The following SLC39A11 variants were observed in gnomAD, a reference collection of about 807,000 sequenced individuals.
SLC39A11 encodes the protein solute carrier family 39 member 11, also known as zinc transporter ZIP11.
Under a neutral mutation model 36.1 loss-of-function variants are expected in SLC39A11, and 33 were observed. That is an observed-to-expected ratio of 0.91 (90% CI 0.69 to 1.22). The LOEUF is 1.22. Among genes scored for constraint, SLC39A11 ranks in the 50% most tolerant of loss-of-function variants. SLC39A11 has a pLI of 0.00. For synonymous variants in SLC39A11, 166 were observed against 170.3 expected, an observed-to-expected ratio of 0.97 and a Z score of 0.20; for missense variants, 432 against 430.3, an observed-to-expected ratio of 1.00 and a Z score of -0.03.
chr17:72,850,909 G>A (rs2079279383), intron 5 of SLC39A11, among the ~76,000 whole-genome samples: 1 of 152,146 alleles, frequency 6.6e-6, no homozygotes, highest in South Asian at 2.1e-4. Flanking sequence ...AACCAATTCA[G>A]ACGCCTGGCT....
chr17:72,712,015 A>G (rs2073123137), intron 7 of SLC39A11, among the ~76,000 whole-genome samples: 1 of 152,270 alleles, frequency 6.6e-6, no homozygotes, highest in Admixed American at 6.5e-5. Context: ...TGCAAAGCAC[A>G]GGGCTTAGTG....
chr17:72,841,832 C>T (rs901745542), intron 6 of SLC39A11, among the ~76,000 whole-genome samples: 2 of 151,558 alleles, frequency 1.3e-5, no homozygotes, highest in South Asian at 2.1e-4. Context: ...GAGGCTAAGG[C>T]GGGAGAATCT....
At chr17:72,705,537 G>A (rs1292555124) in intron 7 of SLC39A11, among the ~76,000 whole-genome samples, 1 of 152,222 alleles carries the variant, frequency 6.6e-6, no homozygotes, top group Admixed American at 6.5e-5. Context: ...GCTGGATTAA[G>A]GGTGAATGGG....
chr17:73,035,939 C>G (rs1160788243), intron 3 of SLC39A11, among the ~76,000 whole-genome samples: 1 of 149,240 alleles, frequency 6.7e-6, no homozygotes, highest in Non-Finnish European at 1.5e-5. Flanking sequence ...AGGCTATAGT[C>G]AGAAAGAGAT....
intron 7 of SLC39A11, among the ~76,000 whole-genome samples, chr17:72,653,186 C>A (rs1419222277): frequency 6.6e-6 from 1 of 151,256 alleles, no homozygotes; most frequent in Non-Finnish European, 1.5e-5. Context: ...CTCACTGCAG[C>A]CTTCACCTCT....
At chr17:73,037,163 G>A (rs2058947770) in intron 3 of SLC39A11, among the ~76,000 whole-genome samples, 3 of 152,110 alleles carry the variant, frequency 2.0e-5, no homozygotes, top group African/African-American at 4.8e-5. Flanking sequence ...GAGTTTTGTC[G>A]ATTATGAATA....
chr17:72,658,546 C>A (rs1399199936), intron 7 of SLC39A11, among the ~76,000 whole-genome samples: 2 of 152,184 alleles, frequency 1.3e-5, no homozygotes, highest in African/African-American at 2.4e-5. Context: ...TACTACCCCC[C>A]ACCCATCACC....
chr17:72,695,990 C>T (rs1042441470), intron 7 of SLC39A11, among the ~76,000 whole-genome samples: 1 of 152,232 alleles, frequency 6.6e-6, no homozygotes, highest in Non-Finnish European at 1.5e-5. Context: ...ATTTGTTAGG[C>T]AGCCACAGGA....
intron 3 of SLC39A11, among the ~76,000 whole-genome samples, chr17:73,078,242 A>G (rs1303828561): frequency 7.2e-6 from 1 of 139,326 alleles, no homozygotes; most frequent in Admixed American, 7.0e-5. Flanking sequence ...CGTCTCAGGA[A>G]AAAAAAAAAA....
At position 72,931,853 on chromosome 17, in the gene SLC39A11, G is replaced by A. The variant is rs145366242; in HGVS notation, c.430+15899C>T. 3.1e-3 allele frequency among the ~76,000 whole-genome samples: 469 copies of A among 152,128 alleles called. 5 individuals carry two copies. Among genetic ancestry groups the A allele is most frequent in the Admixed American group, 4.2e-3 (64 of 15,296 alleles). Reference sequence around the variant, plus strand: ...GATCTAAGATCTTGCTCTACAACTCGGTAGAGGCAAGGGGGAAGATGAACA... The same window carrying A: ...GATCTAAGATCTTGCTCTACAACTCAGTAGAGGCAAGGGGGAAGATGAACA... On this transcript the variant is annotated intron_variant, in intron 5 of 9. Transcript: ENST00000255559.
chr17:73,052,146 C>T (rs370895709), intron 3 of SLC39A11, among the ~76,000 whole-genome samples: 2 of 149,966 alleles, frequency 1.3e-5, no homozygotes, highest in Admixed American at 1.3e-4. Flanking sequence ...GCAAGCCCCC[C>T]AGTGTTGCTG....
chr17:72,822,651 G>A (rs1050493920), intron 6 of SLC39A11, among the ~76,000 whole-genome samples: 3 of 151,220 alleles, frequency 2.0e-5, no homozygotes, highest in African/African-American at 7.2e-5. Flanking sequence ...ATTTGAGGTT[G>A]AAACAGGGAA....
intron 3 of SLC39A11, among the ~76,000 whole-genome samples, chr17:73,068,993 G>A (rs533440639): frequency 9.2e-5 from 14 of 152,188 alleles, no homozygotes; most frequent in African/African-American, 3.1e-4. Context: ...GATCACGTAC[G>A]GGCCTCAACC....
At chr17:72,813,690 C>T (rs1301972360) in intron 6 of SLC39A11, among the ~76,000 whole-genome samples, 1 of 152,192 alleles carries the variant, frequency 6.6e-6, no homozygotes, top group Non-Finnish European at 1.5e-5. Flanking sequence ...CATAGCACTG[C>T]CAGGGGCACT....
At chr17:72,754,020 G>GTGTGTA (rs1436363238) in intron 6 of SLC39A11, among the ~76,000 whole-genome samples, 1 of 108,352 alleles carries the variant, frequency 9.2e-6, no homozygotes, top group African/African-American at 3.8e-5. Flanking sequence ...ATGTATATAT[G>GTGTGTA]TATATATATA....
At chr17:73,036,857 T>G (rs531882201) in intron 3 of SLC39A11, among the ~76,000 whole-genome samples, 1 of 152,302 alleles carries the variant, frequency 6.6e-6, no homozygotes, top group African/African-American at 2.4e-5. Context: ...TTCACTGCCC[T>G]AAAAAGTCCC....
At chr17:72,735,883 G>T (rs924105299) in intron 7 of SLC39A11, among the ~76,000 whole-genome samples, 3 of 152,166 alleles carry the variant, frequency 2.0e-5, no homozygotes, top group African/African-American at 7.2e-5. Flanking sequence ...GAAGAGCAAA[G>T]AATTTACAAG....
At chr17:72,754,043 TATACACATACACACACACAC>T (rs1244276381) in intron 6 of SLC39A11, among the ~76,000 whole-genome samples, 1 of 47,722 alleles carries the variant, frequency 2.1e-5, no homozygotes, top group African/African-American at 6.2e-5. Context: ...TATATATATA[TATACACATACACACACACAC>T]ACACACACAC....
intron 6 of SLC39A11, among the ~76,000 whole-genome samples, chr17:72,816,674 A>T (rs144286374): frequency 6.6e-6 from 1 of 152,282 alleles, no homozygotes; most frequent in East Asian, 1.9e-4. Context: ...TATGAAACAC[A>T]ACAAACCCAA....
Sources: gnomAD v4.1 joint callset for allele counts (sites outside exome capture counted in the v4.1 genomes callset) on GRCh38, gnomAD v4.1.1 for gene constraint, MANE v1.5 for transcripts, NCBI Gene and HGNC (gene_info 2026-07-23, HGNC 2026-07-21) for gene names.